Variants in DLG2 observed in about 807,000 individuals in gnomAD.
The protein encoded by DLG2 is disks large homolog 2.
Under a neutral mutation model 132.5 loss-of-function variants are expected in DLG2, and 45 were observed. That is an observed-to-expected ratio of 0.34 (90% CI 0.27 to 0.44). The LOEUF (loss-of-function observed/expected upper bound fraction) is 0.44, where lower values mean the gene tolerates loss of function less well. DLG2 is among the 20% of genes least tolerant of loss of function. The probability of loss-of-function intolerance (pLI) is 1.00; values close to 1 mark genes in which losing one functional copy is unlikely to be tolerated. For missense variants in DLG2, 1,045 were observed against 1,196.9 expected (o/e 0.87, Z 1.87); for synonymous variants, 424 against 419.6 (o/e 1.01, Z -0.13).
intron 4 of DLG2, among the ~76,000 whole-genome samples, chr11:85,223,990 G>A (rs2074822818): frequency 6.6e-6 from 1 of 152,074 alleles, no homozygotes; most frequent in Admixed American, 6.6e-5. Flanking sequence ...TAAAAAAAAG[G>A]TGACCTTGGT....
chr11:83,722,545 T>C (rs1001421826), intron 18 of DLG2, among the ~76,000 whole-genome samples: 1 of 152,140 alleles, frequency 6.6e-6, no homozygotes, highest in Non-Finnish European at 1.5e-5. Flanking sequence ...GTTTACCTCC[T>C]CACCTCCAGA....
At chr11:84,681,913 T>G (rs2099731146) in intron 6 of DLG2, among the ~76,000 whole-genome samples, 1 of 152,110 alleles carries the variant, frequency 6.6e-6, no homozygotes, top group Admixed American at 6.5e-5. Context: ...GCTATTATAG[T>G]ATCTGCTTCT....
intron 15 of DLG2, among the ~76,000 whole-genome samples, chr11:83,910,767 G>A (rs1455066125): frequency 6.6e-6 from 1 of 152,074 alleles, no homozygotes; most frequent in Non-Finnish European, 1.5e-5. Context: ...CAGGTACTTT[G>A]AGAAGACATT....
intron 3 of DLG2, among the ~76,000 whole-genome samples, chr11:85,410,453 A>G (rs1395638387): frequency 6.6e-6 from 1 of 151,794 alleles, no homozygotes; most frequent in Non-Finnish European, 1.5e-5. Context: ...ATTTACTTTC[A>G]TCTGTTAGGA....
At chr11:85,524,995 T>C (rs1278616342) in intron 3 of DLG2, 2 of 152,188 alleles carry the variant, frequency 1.3e-5, no homozygotes, top group African/African-American at 4.8e-5. Flanking sequence ...ATATACCTGG[T>C]ATAACTTCCT....
intron 11 of DLG2, among the ~76,000 whole-genome samples, chr11:84,036,615 G>A (rs2095869965): frequency 6.6e-6 from 1 of 152,190 alleles, no homozygotes; most frequent in South Asian, 2.1e-4. Context: ...GAATTGCATT[G>A]ATGAAAGCCC....
chr11:83,567,500 G>A (rs2096727731), intron 19 of DLG2, among the ~76,000 whole-genome samples: 1 of 152,134 alleles, frequency 6.6e-6, no homozygotes, highest in Non-Finnish European at 1.5e-5. Flanking sequence ...AGAACATTAA[G>A]TATTTTATAT....
intron 3 of DLG2, among the ~76,000 whole-genome samples, chr11:85,587,613 G>A (rs906449468): frequency 3.9e-5 from 6 of 152,100 alleles, no homozygotes; most frequent in Non-Finnish European, 7.4e-5. Context: ...CTCTTGAAGA[G>A]AGCAGATACT....
At chr11:84,053,880 A>G (rs1009822766) in intron 11 of DLG2, among the ~76,000 whole-genome samples, 2 of 152,184 alleles carry the variant, frequency 1.3e-5, no homozygotes, top group Middle Eastern at 6.8e-3. Flanking sequence ...AATCTTTACT[A>G]CATTCTCAGT....
intron 6 of DLG2, among the ~76,000 whole-genome samples, chr11:84,821,417 T>A (rs61897879): frequency 6.6e-6 from 1 of 151,728 alleles, no homozygotes; most frequent in African/African-American, 2.4e-5. Flanking sequence ...TATAAATGAA[T>A]AAACGTGACC....
chr11:84,191,937 G>A (rs1444388988), intron 8 of DLG2, among the ~76,000 whole-genome samples: 1 of 149,252 alleles, frequency 6.7e-6, no homozygotes, highest in Admixed American at 6.6e-5. Flanking sequence ...TGAGCACGGA[G>A]TAACATTTTG....
At chr11:83,837,474 T>A (rs957539147) in intron 16 of DLG2, among the ~76,000 whole-genome samples, 6 of 152,118 alleles carry the variant, frequency 3.9e-5, no homozygotes, top group Non-Finnish European at 7.4e-5. Context: ...TGGCTGCCGC[T>A]GGTAGAGCCA....
intron 7 of DLG2, among the ~76,000 whole-genome samples, chr11:84,444,009 G>GT (rs536166140): frequency 0.21 from 30,692 of 142,992 alleles, 6,058 homozygotes; most frequent in African/African-American, 0.53. Context: ...AGTCTCCAAA[G>GT]TTTTTTTTTT....
At chr11:83,620,642 G>A (rs925639588) in intron 19 of DLG2, among the ~76,000 whole-genome samples, 5 of 151,694 alleles carry the variant, frequency 3.3e-5, no homozygotes, top group African/African-American at 4.8e-5. Flanking sequence ...AGGCCGAGGC[G>A]GGCGGATCAC....
chr11:83,465,584 G>A (rs2090871715), intron 26 of DLG2, among the ~76,000 whole-genome samples: 1 of 152,102 alleles, frequency 6.6e-6, no homozygotes, highest in Admixed American at 6.5e-5. Flanking sequence ...AAGAGGTACT[G>A]TTTATGTGTT....
At chr11:85,089,225 G>A (rs983411703) in intron 6 of DLG2, among the ~76,000 whole-genome samples, 3 of 151,986 alleles carry the variant, frequency 2.0e-5, no homozygotes, top group South Asian at 2.1e-4. Flanking sequence ...GATTCATCCC[G>A]TCATCCAGGT....
intron 7 of DLG2, among the ~76,000 whole-genome samples, chr11:84,347,144 G>A (rs1361299365): frequency 6.6e-6 from 1 of 152,136 alleles, no homozygotes; most frequent in African/African-American, 2.4e-5. Flanking sequence ...GATATGGAAA[G>A]TGTCACCCAG....
intron 18 of DLG2, among the ~76,000 whole-genome samples, chr11:83,762,185 A>T (rs1235503031): frequency 6.6e-6 from 1 of 152,256 alleles, no homozygotes; most frequent in Non-Finnish European, 1.5e-5. Flanking sequence ...TCTGAAGTAC[A>T]AGACTGCCCT....
intron 18 of DLG2, chr11:83,651,950 C>A: frequency 2.2e-6 from 1 of 450,556 alleles, no homozygotes; most frequent in Non-Finnish European, 4.6e-6. Context: ...AAGTAAGAAA[C>A]AAATCACCTG....
Sources: gnomAD v4.1 joint callset for allele counts (sites outside exome capture counted in the v4.1 genomes callset) on GRCh38, gnomAD v4.1.1 for gene constraint, MANE v1.5 for transcripts, NCBI Gene and HGNC (gene_info 2026-07-23, HGNC 2026-07-21) for gene names.